The following ADCYAP1R1 variants were observed in gnomAD, a reference collection of about 807,000 sequenced individuals.
ADCYAP1R1 encodes pituitary adenylate cyclase-activating polypeptide type I receptor.
Under a neutral mutation model 67.6 loss-of-function variants are expected in ADCYAP1R1, and 44 were observed. The observed-to-expected ratio is 0.65, with a 90% CI of 0.51 to 0.84. The LOEUF is 0.84. ADCYAP1R1 is among the 40% of genes least tolerant of loss of function. ADCYAP1R1 has a pLI of 0.00. For synonymous variants in ADCYAP1R1, 222 were observed against 219.6 expected (o/e 1.01, Z -0.10); for missense variants, 477 against 587.9 (o/e 0.81, Z 1.95).
At position 31,097,566 on chromosome 7, in the gene ADCYAP1R1, C is replaced by A. The variant is rs543660151; in HGVS notation, c.1046+4831C>A. On this transcript the variant is annotated intron_variant, in intron 13 of 15. Coordinates refer to ENST00000304166, the MANE Select transcript of ADCYAP1R1 (RefSeq NM_001118.5). Reference sequence around the variant, plus strand: ...CTGCTCCTTGATCTGCCCTCCCTGACCCCCATCAGAGCCACACAACTTTAC... The same window carrying A: ...CTGCTCCTTGATCTGCCCTCCCTGAACCCCATCAGAGCCACACAACTTTAC... 2.2e-4 allele frequency among the ~76,000 whole-genome samples: 33 copies of A among 152,272 alleles called. 1 individual carries two copies. In the South Asian group the frequency reaches 6.8e-3, roughly 32 times the overall value.
intron 2 of ADCYAP1R1, among the ~76,000 whole-genome samples, chr7:31,064,196 C>T (rs969657286): frequency 3.3e-5 from 5 of 152,226 alleles, no homozygotes; most frequent in Non-Finnish European, 7.3e-5. Flanking sequence ...GTAGGCCCCA[C>T]TAAATAGCAG....
chr7:31,073,061 G>A (rs986269913), intron 3 of ADCYAP1R1, among the ~76,000 whole-genome samples: 2 of 152,210 alleles, frequency 1.3e-5, no homozygotes, highest in African/African-American at 2.4e-5. Flanking sequence ...TTAGCCCAGT[G>A]AGACCCATTT....
chr7:31,105,851 G>A (rs1284081857), intron 15 of ADCYAP1R1, among the ~76,000 whole-genome samples: 1 of 152,236 alleles, frequency 6.6e-6, no homozygotes, highest in Non-Finnish European at 1.5e-5. Context: ...GCTGCTTCCA[G>A]TTGTGCAGTC....
chr7:31,106,765 C>T lies in ADCYAP1R1; in HGVS notation c.*81C>T, dbSNP rs1796667160. ...TGCCAGCCCACGCATGTTTGCGCCT[C>T]TTCCCTCCCCTTGGGCAGGCCCTGG... On this transcript the variant is annotated 3_prime_UTR_variant, in exon 16 of 16. Coordinates refer to ENST00000304166, the MANE Select transcript of ADCYAP1R1 (RefSeq NM_001118.5). 1.4e-6 allele frequency: 2 copies of T among 1,441,738 alleles called. No individual in the cohort carries two copies. Among genetic ancestry groups the T allele is most frequent in the South Asian group, 2.9e-5 (2 of 68,914 alleles). 89.3% of individuals were successfully genotyped at this position (1,441,738 alleles called of 1,614,324 possible).
intron 1 of ADCYAP1R1, among the ~76,000 whole-genome samples, chr7:31,054,143 A>G (rs1245182372): frequency 6.6e-6 from 1 of 152,106 alleles, no homozygotes; most frequent in East Asian, 1.9e-4. Context: ...GAGGTGGAAC[A>G]CGCTGAGCAG....
At chr7:31,055,367 G>T (rs536171331) in intron 1 of ADCYAP1R1, among the ~76,000 whole-genome samples, 1 of 151,802 alleles carries the variant, frequency 6.6e-6, no homozygotes, top group South Asian at 2.1e-4. Flanking sequence ...GTGCACGCGC[G>T]TGTTGCATAA....
intron 3 of ADCYAP1R1, among the ~76,000 whole-genome samples, chr7:31,074,787 A>G (rs766038097): frequency 6.6e-6 from 1 of 152,176 alleles, no homozygotes; most frequent in African/African-American, 2.4e-5. Flanking sequence ...TGACTGGCCT[A>G]CTGCTATTAG....
At chr7:31,087,562 G>A in intron 11 of ADCYAP1R1, 65 bp from the exon 12 acceptor site, 2 of 1,462,184 alleles carry the variant, frequency 1.4e-6, no homozygotes, top group Non-Finnish European at 9.6e-7. Context: ...GCAGGGCAGT[G>A]TCCCGCAGGC....
At chr7:31,075,687 A>G (rs2128623837) in intron 3 of ADCYAP1R1, among the ~76,000 whole-genome samples, 1 of 152,164 alleles carries the variant, frequency 6.6e-6, no homozygotes, top group Admixed American at 6.5e-5. Flanking sequence ...CGTAAATACC[A>G]TGTTAAGGAT....
intron 12 of ADCYAP1R1, 56 bp downstream of exon 12, chr7:31,087,752 C>T: frequency 2.1e-6 from 3 of 1,442,766 alleles, no homozygotes; most frequent in Non-Finnish European, 2.9e-6. Context: ...GGCAGAAAGG[C>T]ACGCGAGGAA....
chr7:31,085,492 C>T, intron 9 of ADCYAP1R1, 50 bp downstream of exon 9: 1 of 1,571,294 alleles, frequency 6.4e-7, no homozygotes, highest in Non-Finnish European at 8.6e-7. Flanking sequence ...AGGTCCCGCA[C>T]CATCCCCTTG....
Position 31,107,505 on chromosome 7 carries a change from C to G in ADCYAP1R1, c.*821C>G, listed in dbSNP as rs1796697952. 2 of 152,238 alleles carry G rather than the reference C, an allele frequency of 1.3e-5. No individual in the cohort carries two copies. The highest frequency in any genetic ancestry group is 4.8e-5 in the African/African-American group (2 of 41,466). The allele number at this position is 152,238 out of a possible 1,614,324, so 9.4% of individuals were successfully genotyped here. A position where few individuals can be genotyped will look rare whatever the true frequency, so the allele number is the denominator to read the frequency against. On this transcript the variant is annotated 3_prime_UTR_variant, in exon 16 of 16. Coordinates refer to ENST00000304166, the MANE Select transcript of ADCYAP1R1 (RefSeq NM_001118.5). ...CATCTCCATTGTTTTACCCCCAGCT[C>G]AAGATGGACAGGGTTCTTCTGGTCA...
chr7:31,055,808 G>A (rs781585234), intron 1 of ADCYAP1R1, among the ~76,000 whole-genome samples: 6 of 152,168 alleles, frequency 3.9e-5, no homozygotes, highest in Admixed American at 6.5e-5. Context: ...AGGATGCTTC[G>A]CTCCATTCTA....
chr7:31,089,464 G>C (rs1795877860), intron 12 of ADCYAP1R1, among the ~76,000 whole-genome samples: 1 of 142,472 alleles, frequency 7.0e-6, no homozygotes, highest in Non-Finnish European at 1.5e-5. Flanking sequence ...GTATTGAATT[G>C]TATCAAATGT....
chr7:31,084,923 C>T, intron 8 of ADCYAP1R1, 89 bp downstream of exon 8: 1 of 1,256,314 alleles, frequency 8.0e-7, no homozygotes, highest in Non-Finnish European at 1.2e-6. Context: ...CCCTTGATGT[C>T]AGCCCTAGAA....
chr7:31,104,650 T>C (rs1796566759), intron 14 of ADCYAP1R1, among the ~76,000 whole-genome samples: 3 of 152,086 alleles, frequency 2.0e-5, no homozygotes, highest in African/African-American at 7.2e-5. Flanking sequence ...AGCTAGAATG[T>C]ATCTGTGGGA....
intron 13 of ADCYAP1R1, 109 bp downstream of exon 13, chr7:31,092,844 T>A: frequency 1.3e-6 from 1 of 744,630 alleles, no homozygotes; most frequent in Non-Finnish European, 2.2e-6. Flanking sequence ...TGACCTAGCA[T>A]CAGCATTTGC....
intron 13 of ADCYAP1R1, among the ~76,000 whole-genome samples, chr7:31,093,385 A>C (rs1302348315): frequency 6.6e-6 from 1 of 152,116 alleles, no homozygotes; most frequent in Non-Finnish European, 1.5e-5. Flanking sequence ...TTCCATGGCC[A>C]CTTGATTTCC....
chr7:31,056,061 T>G (rs1405164204), intron 1 of ADCYAP1R1, among the ~76,000 whole-genome samples: 2 of 152,152 alleles, frequency 1.3e-5, no homozygotes, highest in African/African-American at 2.4e-5. Context: ...CCCATCCTCA[T>G]GGGTGGGGAA....
Sources: allele counts gnomAD v4.1 joint callset (sites outside exome capture counted in the v4.1 genomes callset), GRCh38; gene constraint gnomAD v4.1.1; transcripts MANE v1.5; gene names NCBI Gene and HGNC (gene_info 2026-07-23, HGNC 2026-07-21).